Variants in EML4 observed in about 807,000 individuals in gnomAD.
EML4 encodes the protein EMAP like 4, also known as echinoderm microtubule-associated protein-like 4.
Under a neutral mutation model 129.0 loss-of-function variants are expected in EML4, and 72 were observed. That is an observed-to-expected ratio of 0.56 (90% CI 0.46 to 0.68). The LOEUF (loss-of-function observed/expected upper bound fraction) is 0.68. Among genes scored for constraint, EML4 ranks in the 30% least tolerant of loss-of-function variants. The probability of loss-of-function intolerance (pLI) is 0.00; values close to 1 mark genes in which losing one functional copy is unlikely to be tolerated. For missense variants in EML4, 1,363 were observed against 1,190.6 expected, an observed-to-expected ratio of 1.14 and a Z score of -2.13; for synonymous variants, 532 against 405.0, an observed-to-expected ratio of 1.31 and a Z score of -3.77.
Position 42,330,410 on chromosome 2 carries a change from C to T in EML4, c.*203C>T. On this transcript the variant is annotated 3_prime_UTR_variant, in exon 23 of 23. Transcript: ENST00000318522. ...TAGTTTGGTGTTTATTGAAAATTAA[C>T]CAAACTTAATACTAGGAGAAGACTG... The T allele has an allele frequency of 1.5e-6, 1 of 652,222 alleles. No homozygotes were observed. Among genetic ancestry groups the T allele is most frequent in the South Asian group, 1.7e-5 (1 of 58,932 alleles). 40.4% of individuals were successfully genotyped at this position (652,222 alleles called of 1,614,324 possible). A position where few individuals can be genotyped will look rare whatever the true frequency, so the allele number is the denominator to read the frequency against.
chr2:42,259,176 G>A (rs1190224241), intron 3 of EML4, among the ~76,000 whole-genome samples: 1 of 151,438 alleles, frequency 6.6e-6, no homozygotes, highest in Non-Finnish European at 1.5e-5. Flanking sequence ...GAACCTTGGA[G>A]ATGGAGGTTG....
intron 1 of EML4, among the ~76,000 whole-genome samples, chr2:42,173,797 T>G (rs1000808148): frequency 1.4e-4 from 21 of 152,160 alleles, no homozygotes; most frequent in African/African-American, 4.3e-4. Context: ...TGAGCTATGA[T>G]TGTACCACTG....
Position 42,330,007 on chromosome 2 carries a change from A to C in EML4, c.2746A>C (p.Ile916Leu). Reference protein sequence around the residue: ...LNETAEEESRISSSPTLLENS... With the variant: ...LNETAEEESRLSSSPTLLENS... ...TGAGACAGCTGAAGAGGAAAGTAGA[A>C]TAAGCAGTTCTCCCACACTTCTGGA... The change falls in exon 23 of 23, where the codon ATA (isoleucine) becomes CTA (leucine). Residue 916 changes from isoleucine (I) to leucine (L), a missense_variant. Physicochemically the swap from Ile to Leu is conservative, Grantham distance 5. Transcript: ENST00000318522. 4 of 1,613,952 alleles carry C rather than the reference A, an allele frequency of 2.5e-6. No individual in the cohort carries two copies. The highest frequency in any genetic ancestry group is 3.4e-6 in the Non-Finnish European group (4 of 1,180,014).
Position 42,330,534 on chromosome 2 carries a change from C to T in EML4, c.*327C>T, listed in dbSNP as rs1670050111. 1 of 459,600 alleles carries T rather than the reference C, an allele frequency of 2.2e-6. No individual in the cohort carries two copies. Among genetic ancestry groups the T allele is most frequent in the South Asian group, 2.2e-5 (1 of 46,196 alleles). The allele number at this position is 459,600 out of a possible 1,614,324, so 28.5% of individuals were successfully genotyped here. On this transcript the variant is annotated 3_prime_UTR_variant, in exon 23 of 23. Coordinates refer to ENST00000318522, the MANE Select transcript of EML4 (RefSeq NM_019063.5). The stretch of plus-strand genomic sequence containing the variant: ...GTTGCATTGATTTTGAAAACAAACC[C>T]CCTTGTTATCTGAACATGTTTTCTT...
rs566749548 is a variant in EML4 at position 42,330,992 on chromosome 2, C to G, written c.*785C>G. The G allele has an allele frequency of 5.7e-5, 12 of 210,920 alleles. No homozygotes were observed. The East Asian group carries it at 8.6e-4, about 15-fold the overall frequency. The allele number at this position is 210,920 out of a possible 1,614,324, so 13.1% of individuals were successfully genotyped here. ...TTCCTCCAAGGAGTCCTTTACTAGC[C>G]TAAACATTCTCAAATGTTTGAGATT... On this transcript the variant is annotated 3_prime_UTR_variant, in exon 23 of 23. Coordinates refer to ENST00000318522, the MANE Select transcript of EML4 (RefSeq NM_019063.5).
At chr2:42,195,196 AT>A (rs1004602874) in intron 1 of EML4, among the ~76,000 whole-genome samples, 21 of 152,076 alleles carry the variant, frequency 1.4e-4, no homozygotes, top group African/African-American at 5.1e-4. Flanking sequence ...CATTTGTTAG[AT>A]TTGTTTCATT....
intron 13 of EML4, among the ~76,000 whole-genome samples, chr2:42,300,455 C>G (rs1446087800): frequency 6.6e-6 from 1 of 152,206 alleles, no homozygotes; most frequent in Non-Finnish European, 1.5e-5. Context: ...CTTGGTCTCT[C>G]CCTGGGTACT....
chr2:42,307,433 G>T (rs1050322140), intron 17 of EML4, among the ~76,000 whole-genome samples: 2 of 152,196 alleles, frequency 1.3e-5, no homozygotes, highest in Non-Finnish European at 2.9e-5. Context: ...GTAGTTGTCA[G>T]TGTTCATTCT....
intron 1 of EML4, among the ~76,000 whole-genome samples, chr2:42,231,184 G>A (rs902391339): frequency 1.3e-5 from 2 of 152,160 alleles, no homozygotes; most frequent in East Asian, 1.9e-4. Flanking sequence ...GGCCAAATCA[G>A]ATGGACCATT....
At chr2:42,206,831 C>T (rs1672576864) in intron 1 of EML4, among the ~76,000 whole-genome samples, 1 of 152,154 alleles carries the variant, frequency 6.6e-6, no homozygotes, top group Non-Finnish European at 1.5e-5. Context: ...TTGAATAACA[C>T]AGTAATCAAG....
chr2:42,274,903 A>C (rs906203328), intron 6 of EML4, among the ~76,000 whole-genome samples: 7 of 152,130 alleles, frequency 4.6e-5, no homozygotes, highest in African/African-American at 1.7e-4. Flanking sequence ...TTTGCCTAAC[A>C]ATCACTCTTT....
intron 6 of EML4, among the ~76,000 whole-genome samples, chr2:42,266,177 G>A (rs1173989857): frequency 6.6e-6 from 1 of 151,936 alleles, no homozygotes; most frequent in Non-Finnish European, 1.5e-5. Context: ...TAGTCTTTAG[G>A]TCATTTGTTT....
At chr2:42,180,339 TG>T (rs1308097851) in intron 1 of EML4, among the ~76,000 whole-genome samples, 1 of 152,180 alleles carries the variant, frequency 6.6e-6, no homozygotes, top group East Asian at 1.9e-4. Flanking sequence ...AGACATATTT[TG>T]TTTGGCCCTT....
intron 6 of EML4, among the ~76,000 whole-genome samples, chr2:42,276,780 A>G (rs1666682099): frequency 6.6e-6 from 1 of 152,252 alleles, no homozygotes; most frequent in African/African-American, 2.4e-5. Context: ...TTCAAGTCGT[A>G]ATCTTTTCCA....
At chr2:42,303,693 A>G (rs1283826248) in intron 16 of EML4, among the ~76,000 whole-genome samples, 1 of 152,234 alleles carries the variant, frequency 6.6e-6, no homozygotes, top group East Asian at 1.9e-4. Flanking sequence ...TGGGAGGCCC[A>G]GGCAGGCGGA....
rs1676162313 is a variant in EML4, at chr2:42,256,534, C to G, written c.242C>G (p.Ser81Cys). ...QPSPRAVIPM[S>C]CITNGSGANR... ...AGCCCTCGAGCAGTTATTCCCATGT[C>G]CTGTATAACCAATGGAAGTGGTGCA... Residue 81 changes from serine (S) to cysteine (C), a missense_variant, in exon 3 of 23, where the codon TCC becomes TGC. Ser to Cys is a moderately radical substitution (Grantham distance 112). Coordinates refer to ENST00000318522, the MANE Select transcript of EML4 (RefSeq NM_019063.5). 2 of 1,612,628 alleles carry G rather than the reference C, an allele frequency of 1.2e-6. No homozygotes were observed. The highest frequency in any genetic ancestry group is 2.2e-5 in the South Asian group (2 of 90,902).
chr2:42,191,865 C>A lies in EML4; in HGVS notation c.25+22229C>A, dbSNP rs868078021. Among the ~76,000 whole-genome samples, 4 of 151,976 alleles carry A rather than the reference C, an allele frequency of 2.6e-5. No individual in the cohort carries two copies. The East Asian group carries it at 7.8e-4, about 30-fold the overall frequency. On this transcript the variant is annotated intron_variant, in intron 1 of 22. Transcript: ENST00000318522. Reference sequence around the variant, plus strand: ...ACCTGAGGTCAATAAGAAACCTGGCCGGGCACGGTGGCTCACACCTGTAAT... The same window carrying A: ...ACCTGAGGTCAATAAGAAACCTGGCAGGGCACGGTGGCTCACACCTGTAAT...
chr2:42,294,779 A>G (rs901636820), intron 11 of EML4, among the ~76,000 whole-genome samples: 5 of 152,186 alleles, frequency 3.3e-5, no homozygotes, highest in African/African-American at 4.8e-5. Context: ...CTTTCTTTCA[A>G]TACAAATAGC....
intron 1 of EML4, among the ~76,000 whole-genome samples, chr2:42,208,417 C>A (rs1244043155): frequency 6.7e-6 from 1 of 150,248 alleles, no homozygotes; most frequent in Admixed American, 6.6e-5. Context: ...TAGAAACCTA[C>A]TCCTTTAATT....
Sources: gnomAD v4.1 joint callset for allele counts (sites outside exome capture counted in the v4.1 genomes callset) on GRCh38, gnomAD v4.1.1 for gene constraint, MANE v1.5 for transcripts, NCBI Gene and HGNC (gene_info 2026-07-23, HGNC 2026-07-21) for gene names.